EMSY: variants seen among roughly 807,000 people sequenced by gnomAD.
The protein encoded by EMSY is EMSY transcriptional repressor, BRCA2 interacting, also known as BRCA2-interacting transcriptional repressor EMSY.
A neutral mutation model predicts 134.6 loss-of-function variants in EMSY; 26 were observed. That is an observed-to-expected ratio of 0.19 (90% CI 0.14 to 0.27). EMSY has a LOEUF of 0.27. EMSY is among the 10% of genes least tolerant of loss of function. The pLI is 1.00. For missense variants in EMSY, 1,305 were observed against 1,611.4 expected, an observed-to-expected ratio of 0.81 and a Z score of 3.26; for synonymous variants, 579 against 577.8, an observed-to-expected ratio of 1.00 and a Z score of -0.03.
At chr11:76,506,777 G>A (rs990951597) in intron 9 of EMSY, among the ~76,000 whole-genome samples, 13 of 152,212 alleles carry the variant, frequency 8.5e-5, no homozygotes, top group African/African-American at 1.4e-4. Flanking sequence ...AAAATAAATC[G>A]AAAATCCCGA....
chr11:76,544,323 T>C (rs770101075), exon 19 of EMSY: 16 of 1,613,948 alleles, frequency 9.9e-6, no homozygotes, highest in Non-Finnish European at 1.3e-5. Context: ...GAGGGCGAGG[T>C]TGAAGAGATG....
chr11:76,475,202 A>G (rs1310250012), intron 8 of EMSY, among the ~76,000 whole-genome samples: 2 of 152,224 alleles, frequency 1.3e-5, no homozygotes, highest in East Asian at 1.9e-4. Context: ...TCCGTGTATC[A>G]ACACTAATAT....
At chr11:76,533,214 G>A (rs1046092808) in intron 14 of EMSY, among the ~76,000 whole-genome samples, 1 of 152,060 alleles carries the variant, frequency 6.6e-6, no homozygotes, top group Non-Finnish European at 1.5e-5. Context: ...GAATCACTTT[G>A]TATGAGCAAT....
intron 5 of EMSY, chr11:76,459,604 G>A (rs1948025689): frequency 4.6e-6 from 1 of 217,204 alleles, no homozygotes; most frequent in Admixed American, 5.1e-5. Context: ...ACAAGTAAGT[G>A]CCTGTTGTCC....
chr11:76,518,703 A>ATTTT (rs67729914), intron 11 of EMSY, among the ~76,000 whole-genome samples: 1,837 of 130,170 alleles, frequency 0.014, 25 homozygotes, highest in Middle Eastern at 0.054. Context: ...ATATATATAT[A>ATTTT]TTTTTTTTTT....
chr11:76,474,596 A>C (rs1202105171), intron 8 of EMSY, among the ~76,000 whole-genome samples: 1 of 152,182 alleles, frequency 6.6e-6, no homozygotes, highest in Non-Finnish European at 1.5e-5. Context: ...ATAGTAGGAT[A>C]TGGGAGCATC....
intron 17 of EMSY, 99 bp downstream of exon 18, chr11:76,539,739 A>G (rs1319677259): frequency 2.6e-6 from 3 of 1,152,768 alleles, no homozygotes; most frequent in African/African-American, 1.5e-5. Flanking sequence ...CATCTGGTAG[A>G]GGAAAGGTAA....
chr11:76,452,674 T>A (rs919944975), intron 3 of EMSY, among the ~76,000 whole-genome samples: 20 of 152,222 alleles, frequency 1.3e-4, no homozygotes, highest in Admixed American at 9.8e-4. Flanking sequence ...AAAAGTTGTT[T>A]ACTATTATTA....
intron 8 of EMSY, among the ~76,000 whole-genome samples, chr11:76,486,237 G>T (rs532257531): frequency 6.6e-6 from 1 of 151,934 alleles, no homozygotes; most frequent in Non-Finnish European, 1.5e-5. Flanking sequence ...AACATCACAC[G>T]CTGGGGCCTG....
At chr11:76,483,716 G>A (rs1364768552) in intron 8 of EMSY, among the ~76,000 whole-genome samples, 2 of 152,156 alleles carry the variant, frequency 1.3e-5, no homozygotes, top group Non-Finnish European at 2.9e-5. Flanking sequence ...AAATATATAT[G>A]CACCCAATAC....
intron 8 of EMSY, among the ~76,000 whole-genome samples, chr11:76,486,401 A>T (rs557201439): frequency 3.9e-4 from 60 of 152,264 alleles, no homozygotes; most frequent in African/African-American, 1.4e-3. Context: ...AAAATATAAT[A>T]AAAAAATGCT....
intron 4 of EMSY, among the ~76,000 whole-genome samples, chr11:76,456,784 CT>C (rs1194095816): frequency 6.6e-6 from 1 of 152,116 alleles, no homozygotes; most frequent in Admixed American, 6.5e-5. Flanking sequence ...TTAGAAATTC[CT>C]TTCTGAGCTG....
exon 7 of EMSY, chr11:76,464,030 A>G (rs772839398): frequency 1.2e-6 from 2 of 1,614,216 alleles, no homozygotes; most frequent in Non-Finnish European, 1.7e-6. Flanking sequence ...TCCTGTAAAA[A>G]TAACCTTCAC....
exon 15 of EMSY, chr11:76,535,915 G>T: frequency 6.5e-7 from 1 of 1,543,652 alleles, no homozygotes; most frequent in Non-Finnish European, 8.7e-7. Flanking sequence ...TGTAGTTCAT[G>T]TAATTGCTTC....
At chr11:76,479,163 C>T (rs1214820749) in intron 8 of EMSY, among the ~76,000 whole-genome samples, 1 of 152,064 alleles carries the variant, frequency 6.6e-6, no homozygotes, top group Non-Finnish European at 1.5e-5. Flanking sequence ...ACTGCTTAAC[C>T]AGTACAGTTT....
intron 9 of EMSY, among the ~76,000 whole-genome samples, chr11:76,504,110 A>G (rs1171096299): frequency 2.0e-5 from 3 of 151,952 alleles, no homozygotes; most frequent in Admixed American, 6.6e-5. Context: ...AAAAGATACC[A>G]TCAAGAAAGT....
chr11:76,472,959 A>G, intron 8 of EMSY, 119 bp downstream of exon 9: 3 of 1,028,354 alleles, frequency 2.9e-6, no homozygotes, highest in Non-Finnish European at 4.3e-6. Flanking sequence ...ACCCAAGATC[A>G]CCACCCCGTG....
intron 7 of EMSY, among the ~76,000 whole-genome samples, chr11:76,464,775 G>T (rs956942936): frequency 2.0e-5 from 3 of 152,174 alleles, no homozygotes; most frequent in African/African-American, 7.2e-5. Flanking sequence ...TGTATGGGTG[G>T]ATGGAAAGTA....
chr11:76,491,181 T>TC (rs943643160), intron 8 of EMSY, among the ~76,000 whole-genome samples: 2 of 147,392 alleles, frequency 1.4e-5, no homozygotes, highest in African/African-American at 2.5e-5. Flanking sequence ...TTTTTTCTTT[T>TC]TTTTTTTTTT....
Sources: gnomAD v4.1 joint callset for allele counts (sites outside exome capture counted in the v4.1 genomes callset) on GRCh38, gnomAD v4.1.1 for gene constraint, MANE v1.5 for transcripts, NCBI Gene and HGNC (gene_info 2026-07-23, HGNC 2026-07-21) for gene names.